ILRUN: variants seen among roughly 807,000 people sequenced by gnomAD.
ILRUN encodes protein ILRUN.
In ILRUN, 3 loss-of-function variants were observed where a neutral mutation model predicts 33.8. The ratio of observed to expected loss-of-function variants is 0.09; its 90% CI spans 0.04 to 0.23. ILRUN has a LOEUF of 0.23. Among genes scored for constraint, ILRUN ranks in the 10% least tolerant of loss-of-function variants. The pLI, the probability that ILRUN is intolerant of heterozygous loss-of-function variation, is 1.00. For missense variants in ILRUN, 210 were observed against 375.1 expected (o/e 0.56, Z 3.64); for synonymous variants, 124 against 138.9 (o/e 0.89, Z 0.75).
chr6:34,596,781 CA>C (rs1212606328), intron 4 of ILRUN, among the ~76,000 whole-genome samples: 2 of 152,130 alleles, frequency 1.3e-5, no homozygotes, highest in Non-Finnish European at 2.9e-5. Context: ...CTGATTGTGC[CA>C]AAACATTTAA....
At chr6:34,598,800 A>C (rs1339860781) in intron 4 of ILRUN, among the ~76,000 whole-genome samples, 5 of 152,266 alleles carry the variant, frequency 3.3e-5, no homozygotes, top group African/African-American at 1.2e-4. Context: ...TTATTTAAAA[A>C]ATGCACACAA....
In ILRUN at chr6:34,588,440, A is replaced by G; in HGVS notation, c.*2125T>C. ...AGCCTCCCACAATCCTGCCAGGGACAGTGGAGATGTGCTGCTTCAAGGCTA... is the reference window on the plus strand; with the variant it reads ...AGCCTCCCACAATCCTGCCAGGGACGGTGGAGATGTGCTGCTTCAAGGCTA... On this transcript the variant is annotated 3_prime_UTR_variant, in exon 5 of 5. Coordinates refer to ENST00000374023, the MANE Select transcript of ILRUN (RefSeq NM_024294.4). 2.6e-6 allele frequency: 1 copy of G among 390,540 alleles called. No individual in the cohort carries two copies. Among genetic ancestry groups the G allele is most frequent in the African/African-American group, 2.1e-5 (1 of 48,588 alleles). 24.2% of individuals were successfully genotyped at this position (390,540 alleles called of 1,614,324 possible).
intron 3 of ILRUN, among the ~76,000 whole-genome samples, chr6:34,608,146 C>G (rs572333365): frequency 6.6e-6 from 1 of 151,646 alleles, no homozygotes; most frequent in African/African-American, 2.4e-5. Context: ...GTAATCCCAA[C>G]ACTCTGGGAG....
intron 3 of ILRUN, among the ~76,000 whole-genome samples, chr6:34,614,046 T>C (rs1409505911): frequency 6.6e-6 from 1 of 152,152 alleles, no homozygotes; most frequent in Non-Finnish European, 1.5e-5. Context: ...CAGAAAGAAC[T>C]TCCACTGGCC....
At chr6:34,649,635 T>C (rs1402933149) in intron 2 of ILRUN, among the ~76,000 whole-genome samples, 22 of 152,190 alleles carry the variant, frequency 1.4e-4, no homozygotes, top group African/African-American at 4.1e-4. Context: ...CCAGGGGACT[T>C]AGTAAGTATA....
At chr6:34,606,105 G>A (rs1284308997) in intron 4 of ILRUN, among the ~76,000 whole-genome samples, 1 of 152,154 alleles carries the variant, frequency 6.6e-6, no homozygotes, top group Non-Finnish European at 1.5e-5. Flanking sequence ...CACCACATTT[G>A]AAAAGTCAAA....
chr6:34,639,480 C>G (rs1188333271), intron 3 of ILRUN, among the ~76,000 whole-genome samples: 1 of 152,178 alleles, frequency 6.6e-6, no homozygotes, highest in East Asian at 1.9e-4. Flanking sequence ...CTACTGGCAT[C>G]CAGGCTAAAA....
At chr6:34,656,466 G>C (rs1229218735) in intron 1 of ILRUN, among the ~76,000 whole-genome samples, 1 of 152,042 alleles carries the variant, frequency 6.6e-6, no homozygotes, top group Non-Finnish European at 1.5e-5. Flanking sequence ...TCATTACAGA[G>C]ATCAAGGAAA....
At chr6:34,647,311 AC>A (rs1283385737) in intron 2 of ILRUN, among the ~76,000 whole-genome samples, 1 of 152,218 alleles carries the variant, frequency 6.6e-6, no homozygotes, top group African/African-American at 2.4e-5. Flanking sequence ...CTGAGGTATG[AC>A]TTTTCTTCTG....
intron 1 of ILRUN, among the ~76,000 whole-genome samples, chr6:34,679,262 T>C (rs528119430): frequency 6.6e-6 from 1 of 151,812 alleles, no homozygotes; most frequent in African/African-American, 2.4e-5. Context: ...GTCAAAGAAA[T>C]ACTCACTTGT....
intron 1 of ILRUN, among the ~76,000 whole-genome samples, chr6:34,672,581 A>G (rs1037537818): frequency 1.3e-5 from 2 of 152,160 alleles, no homozygotes; most frequent in African/African-American, 4.8e-5. Context: ...AGGTGTATAT[A>G]GTCAAGAACC....
chr6:34,617,555 A>C (rs557432424), intron 3 of ILRUN, among the ~76,000 whole-genome samples: 2 of 152,294 alleles, frequency 1.3e-5, no homozygotes, highest in African/African-American at 4.8e-5. Flanking sequence ...ACATCTGTCA[A>C]CATGCCACCT....
chr6:34,670,775 G>A (rs1763100390), intron 1 of ILRUN, among the ~76,000 whole-genome samples: 4 of 147,124 alleles, frequency 2.7e-5, no homozygotes, highest in Non-Finnish European at 4.5e-5. Context: ...AGAATCACTT[G>A]AACCCGGGAG....
intron 3 of ILRUN, among the ~76,000 whole-genome samples, chr6:34,632,046 G>C (rs1762256724): frequency 6.6e-6 from 1 of 152,082 alleles, no homozygotes; most frequent in Non-Finnish European, 1.5e-5. Flanking sequence ...GAAAAAAGTA[G>C]GTTACATAAG....
chr6:34,635,684 G>A (rs370502801), intron 3 of ILRUN, among the ~76,000 whole-genome samples: 3 of 143,178 alleles, frequency 2.1e-5, no homozygotes, highest in East Asian at 2.0e-4. Context: ...GCGCGATTTC[G>A]CCTCACTGCA....
chr6:34,667,978 T>G (rs964284104), intron 1 of ILRUN, among the ~76,000 whole-genome samples: 1 of 152,204 alleles, frequency 6.6e-6, no homozygotes, highest in Admixed American at 6.5e-5. Context: ...TAGATAATAC[T>G]TTTGTTTCCA....
intron 3 of ILRUN, among the ~76,000 whole-genome samples, chr6:34,635,365 A>G (rs1294589516): frequency 2.6e-5 from 4 of 152,016 alleles, no homozygotes; most frequent in African/African-American, 9.7e-5. Context: ...CCCCGTCTCT[A>G]ATCAAAATGC....
At chr6:34,677,831 C>G (rs1317438760) in intron 1 of ILRUN, among the ~76,000 whole-genome samples, 1 of 151,566 alleles carries the variant, frequency 6.6e-6, no homozygotes, top group African/African-American at 2.4e-5. Flanking sequence ...TGCCTTTAAT[C>G]CCAGCTACTT....
At chr6:34,603,141 T>C (rs998698423) in intron 4 of ILRUN, among the ~76,000 whole-genome samples, 5 of 152,198 alleles carry the variant, frequency 3.3e-5, no homozygotes, top group African/African-American at 1.2e-4. Flanking sequence ...GAGATCTCTC[T>C]GGAGTTAATC....
Sources: allele counts gnomAD v4.1 joint callset (sites outside exome capture counted in the v4.1 genomes callset), GRCh38; gene constraint gnomAD v4.1.1; transcripts MANE v1.5; gene names NCBI Gene and HGNC (gene_info 2026-07-23, HGNC 2026-07-21).